Variants in VWA8 observed in about 807,000 individuals in gnomAD.
VWA8 encodes the protein von Willebrand factor A domain-containing protein 8.
Under a neutral mutation model 241.5 loss-of-function variants are expected in VWA8, and 221 were observed. That is an observed-to-expected ratio of 0.91 (90% CI 0.82 to 1.02). The LOEUF is 1.02. Among genes scored for constraint, VWA8 ranks in the 50% least tolerant of loss-of-function variants. VWA8 has a pLI of 0.00. For missense variants in VWA8, 2,322 were observed against 2,328.7 expected, an observed-to-expected ratio of 1.00 and a Z score of 0.06; for synonymous variants, 852 against 827.1, an observed-to-expected ratio of 1.03 and a Z score of -0.52.
At chr13:41,849,842 G>A (rs1229795977) in intron 12 of VWA8, among the ~76,000 whole-genome samples, 3 of 151,692 alleles carry the variant, frequency 2.0e-5, no homozygotes, top group Non-Finnish European at 2.9e-5. Context: ...AGCCAAGATC[G>A]CGCCACTGTA....
intron 17 of VWA8, among the ~76,000 whole-genome samples, chr13:41,795,597 C>A (rs1055238603): frequency 1.3e-5 from 2 of 152,148 alleles, no homozygotes; most frequent in Admixed American, 1.3e-4. Flanking sequence ...ACATATACAC[C>A]ATAGAATACT....
chr13:41,808,605 A>G (rs1870328233), intron 17 of VWA8, among the ~76,000 whole-genome samples: 1 of 152,158 alleles, frequency 6.6e-6, no homozygotes, highest in Non-Finnish European at 1.5e-5. Flanking sequence ...GGGGATTAGA[A>G]TTAGACACAA....
At chr13:41,635,809 T>C (rs553775033) in intron 37 of VWA8, among the ~76,000 whole-genome samples, 9 of 151,826 alleles carry the variant, frequency 5.9e-5, no homozygotes, top group East Asian at 1.9e-4. Context: ...AAGAGGAATC[T>C]TGAAGAACGA....
intron 17 of VWA8, among the ~76,000 whole-genome samples, chr13:41,800,085 GGTTCAT>G (rs1341243002): frequency 2.0e-5 from 3 of 151,924 alleles, no homozygotes; most frequent in African/African-American, 7.3e-5. Context: ...ATATTTTCAG[GGTTCAT>G]CCACGTTATA....
At chr13:41,605,393 G>A in intron 39 of VWA8, 117 bp from the exon 40 acceptor site, 1 of 942,662 alleles carries the variant, frequency 1.1e-6, no homozygotes, top group Non-Finnish European at 1.6e-6. Flanking sequence ...GATTCATGTT[G>A]AGGAGAAAAG....
At position 41,864,939 on chromosome 13, in the gene VWA8, G is replaced by A. The variant is rs528211472; in HGVS notation, c.1425+797C>T. On this transcript the variant is annotated intron_variant, in intron 12 of 44. Coordinates refer to ENST00000379310, the MANE Select transcript of VWA8 (RefSeq NM_015058.2). ...GGGTGGGCAGAGGTTGCAGTGAGCC[G>A]AGATTGTGCCATTGCATTGCAGCCT... Among the ~76,000 whole-genome samples the A allele has an allele frequency of 6.9e-5, 10 of 144,268 alleles. No homozygotes were observed. The East Asian group carries it at 1.5e-3, about 21-fold the overall frequency. The allele number at this position is 144,268 out of a possible 152,430, so 94.6% of individuals were successfully genotyped here.
intron 14 of VWA8, among the ~76,000 whole-genome samples, chr13:41,820,679 A>G (rs1362959571): frequency 6.6e-6 from 1 of 152,190 alleles, no homozygotes; most frequent in Non-Finnish European, 1.5e-5. Flanking sequence ...CTGGAAAAAG[A>G]GGGAAGGATA....
intron 40 of VWA8, among the ~76,000 whole-genome samples, chr13:41,596,488 A>C (rs2139651037): frequency 6.6e-6 from 1 of 152,224 alleles, no homozygotes; most frequent in Non-Finnish European, 1.5e-5. Context: ...ATTTAAATAT[A>C]TGCTTTTGTT....
At chr13:41,582,097 A>G (rs2044386597) in intron 42 of VWA8, among the ~76,000 whole-genome samples, 1 of 152,152 alleles carries the variant, frequency 6.6e-6, no homozygotes, top group Admixed American at 6.5e-5. Context: ...TCAGTGACCT[A>G]CTGTGAATGC....
At position 41,849,188 on chromosome 13, in the gene VWA8, A is replaced by T. The variant is rs76772279; in HGVS notation, c.1426-15657T>A. 1.1e-3 allele frequency among the ~76,000 whole-genome samples: 162 copies of T among 152,322 alleles called. 1 individual carries two copies. In the East Asian group the frequency reaches 0.023, roughly 22 times the overall value. ...TCTACGTATTCAGAAAGTGATGTGG[A>T]TCCTGAAAAACTGGGGTTTTCTTTA... On this transcript the variant is annotated intron_variant, in intron 12 of 44. Transcript: ENST00000379310.
chr13:41,838,568 TTTAAG>T (rs1178692727), intron 12 of VWA8, among the ~76,000 whole-genome samples: 4 of 152,248 alleles, frequency 2.6e-5, no homozygotes, highest in Middle Eastern at 3.4e-3. Context: ...TCAGAAAGTA[TTTAAG>T]TTGAGTTGCA....
chr13:41,732,211 C>A, intron 21 of VWA8, 56 bp from the exon 22 acceptor site: 6 of 1,527,122 alleles, frequency 3.9e-6, no homozygotes, highest in African/African-American at 2.7e-5. Context: ...GATGATTGAT[C>A]ATGATAAAAA....
intron 26 of VWA8, among the ~76,000 whole-genome samples, chr13:41,713,777 C>A (rs1330336884): frequency 2.0e-5 from 3 of 151,984 alleles, no homozygotes; most frequent in Non-Finnish European, 2.9e-5. Flanking sequence ...GAATCTTGTT[C>A]ATTATGTTTA....
intron 37 of VWA8, among the ~76,000 whole-genome samples, chr13:41,637,964 T>G (rs12867484): frequency 0.032 from 4,930 of 152,308 alleles, 90 homozygotes; most frequent in South Asian, 0.077. Context: ...CCACTTATGA[T>G]CTATGAAACC....
intron 5 of VWA8, among the ~76,000 whole-genome samples, chr13:41,888,906 A>T (rs374819714): frequency 9.8e-5 from 15 of 152,348 alleles, no homozygotes; most frequent in South Asian, 6.2e-4. Context: ...TGTCATATAC[A>T]CTAGAAAGTG....
chr13:41,611,622 C>A lies in VWA8; in HGVS notation c.4831G>T (p.Val1611Phe), dbSNP rs760838830. ...QAEKDAVPEE[V>F]KRAAREMGQR... ...CCCATCTCTCTAGCAGCTCTCTTGA[C>A]CTCTTCGGGAACTGCATCTTTCTCA... is the stretch of plus-strand genomic sequence containing the variant. Residue 1611 changes from valine (V) to phenylalanine (F), a missense_variant, in exon 39 of 45, where the codon GTC becomes TTC. By Grantham distance (50) the Val-to-Phe change is conservative. Transcript: ENST00000379310. 1 of 1,614,006 alleles carries A rather than the reference C, an allele frequency of 6.2e-7. No individual in the cohort carries two copies. Among genetic ancestry groups the A allele is most frequent in the African/African-American group, 1.3e-5 (1 of 74,928 alleles).
At chr13:41,740,434 G>A (rs1487723658) in intron 21 of VWA8, among the ~76,000 whole-genome samples, 1 of 152,158 alleles carries the variant, frequency 6.6e-6, no homozygotes, top group African/African-American at 2.4e-5. Context: ...CTGTTGTCCT[G>A]AGCCAACACT....
chr13:41,569,121 A>G (rs958207286), intron 44 of VWA8, among the ~76,000 whole-genome samples: 2 of 151,176 alleles, frequency 1.3e-5, no homozygotes, highest in Admixed American at 6.5e-5. Context: ...ATAAAATTCA[A>G]CCATCCTGTG....
rs906765696 is a variant in VWA8 at position 41,807,376 on chromosome 13, A to G, written c.2063+3849T>C. Reference sequence around the variant, plus strand: ...TACCCTGATACCAAAACCAGAGAAGACACATCAAAAAAAAAGAAAACTACA... The same window carrying G: ...TACCCTGATACCAAAACCAGAGAAGGCACATCAAAAAAAAAGAAAACTACA... On this transcript the variant is annotated intron_variant, in intron 17 of 44. Coordinates refer to ENST00000379310, the MANE Select transcript of VWA8 (RefSeq NM_015058.2). Among the ~76,000 whole-genome samples the G allele has an allele frequency of 1.3e-5, 2 of 152,132 alleles. 1 individual carries two copies. The highest frequency in any genetic ancestry group is 4.8e-5 in the African/African-American group (2 of 41,438).
Sources: allele counts gnomAD v4.1 joint callset (sites outside exome capture counted in the v4.1 genomes callset), GRCh38; gene constraint gnomAD v4.1.1; transcripts MANE v1.5; gene names NCBI Gene and HGNC (gene_info 2026-07-23, HGNC 2026-07-21).